CAMTA1: variants seen among roughly 807,000 people sequenced by gnomAD.
CAMTA1 encodes calmodulin-binding transcription activator 1.
Under a neutral mutation model 170.9 loss-of-function variants are expected in CAMTA1, and 27 were observed. The ratio of observed to expected loss-of-function variants is 0.16; its 90% CI spans 0.12 to 0.22. The LOEUF is 0.22. Among genes scored for constraint, CAMTA1 ranks in the 10% least tolerant of loss-of-function variants. CAMTA1 has a pLI of 1.00. For synonymous variants in CAMTA1, 833 were observed against 891.5 expected (o/e 0.93, Z 1.17); for missense variants, 1,619 against 2,217.2 (o/e 0.73, Z 5.42).
chr1:7,126,759 A>C (rs1302278340), intron 4 of CAMTA1, among the ~76,000 whole-genome samples: 1 of 152,104 alleles, frequency 6.6e-6, no homozygotes, highest in Non-Finnish European at 1.5e-5. Context: ...GTCGCTGCTC[A>C]GGACTGCCAT....
intron 3 of CAMTA1, among the ~76,000 whole-genome samples, chr1:7,043,187 A>T (rs1704753985): frequency 6.6e-6 from 1 of 152,122 alleles, no homozygotes. Context: ...CTTTCATAGG[A>T]TGGTGGGTGC....
intron 4 of CAMTA1, among the ~76,000 whole-genome samples, chr1:7,158,412 T>A (rs1248870952): frequency 6.6e-6 from 1 of 152,228 alleles, no homozygotes; most frequent in South Asian, 2.1e-4. Context: ...GTACAATGCC[T>A]GTATCTTGAC....
At chr1:6,949,729 T>C (rs933591091) in intron 3 of CAMTA1, among the ~76,000 whole-genome samples, 25 of 152,240 alleles carry the variant, frequency 1.6e-4, no homozygotes, top group Non-Finnish European at 3.1e-4. Flanking sequence ...ACTGTAGAGC[T>C]AACCTAGTCC....
rs371854632 is a variant in CAMTA1 at position 7,489,893 on chromosome 1, T to A, written c.510+21992T>A. Among the ~76,000 whole-genome samples, 46 of 152,268 alleles carry A rather than the reference T, an allele frequency of 3.0e-4. 1 individual carries two copies. In the East Asian group the frequency reaches 8.9e-3, roughly 29 times the overall value. Reference sequence around the variant, plus strand: ...TCTGGCCCCGAGCAGACGGGGTGACTGGCTACTGGCATCATCAGCTTGCTT... The same window carrying A: ...TCTGGCCCCGAGCAGACGGGGTGACAGGCTACTGGCATCATCAGCTTGCTT... On this transcript the variant is annotated intron_variant, in intron 6 of 22. Coordinates refer to ENST00000303635, the MANE Select transcript of CAMTA1 (RefSeq NM_015215.4).
chr1:7,555,904 G>T (rs1357895746), intron 6 of CAMTA1, among the ~76,000 whole-genome samples: 1 of 152,128 alleles, frequency 6.6e-6, no homozygotes, highest in South Asian at 2.1e-4. Flanking sequence ...TTTTCCAAAT[G>T]CGGGTTGTAT....
intron 3 of CAMTA1, among the ~76,000 whole-genome samples, chr1:6,896,128 G>T (rs1280693393): frequency 6.6e-6 from 1 of 151,946 alleles, no homozygotes; most frequent in Admixed American, 6.6e-5. Flanking sequence ...CATTTTTTTT[G>T]AACCGTTTGG....
chr1:6,839,137 C>T (rs1228574002), intron 3 of CAMTA1, among the ~76,000 whole-genome samples: 1 of 151,978 alleles, frequency 6.6e-6, no homozygotes, highest in Non-Finnish European at 1.5e-5. Flanking sequence ...AATCTCAGCA[C>T]TTTGGGAGGC....
chr1:7,300,742 C>T lies in CAMTA1; in HGVS notation c.438+51116C>T, dbSNP rs1206379029. The stretch of plus-strand genomic sequence containing the variant: ...ACCCTGAAAGATGGTGAATGATTGG[C>T]AGGCAATGAGAGGAAGTGTCGTGTT... On this transcript the variant is annotated intron_variant, in intron 5 of 22. Coordinates refer to ENST00000303635, the MANE Select transcript of CAMTA1 (RefSeq NM_015215.4). The surrounding 1 kb of genome is among the most constrained non-coding windows in gnomAD (Gnocchi z 4.1). Among the ~76,000 whole-genome samples the T allele has an allele frequency of 2.0e-5, 3 of 152,114 alleles. No individual in the cohort carries two copies. The highest frequency in any genetic ancestry group is 4.4e-5 in the Non-Finnish European group (3 of 68,024).
intron 4 of CAMTA1, among the ~76,000 whole-genome samples, chr1:7,164,247 A>T (rs900823377): frequency 6.6e-6 from 1 of 152,206 alleles, no homozygotes; most frequent in African/African-American, 2.4e-5. Context: ...AGCCTCCAGG[A>T]TCCCACAGGC....
intron 5 of CAMTA1, among the ~76,000 whole-genome samples, chr1:7,384,512 T>G (rs1271913471): frequency 6.6e-6 from 1 of 152,232 alleles, no homozygotes; most frequent in Non-Finnish European, 1.5e-5. Context: ...CCGTGGCTAA[T>G]TTTTTGGCGA....
At chr1:7,558,131 C>G (rs1337197268) in intron 6 of CAMTA1, among the ~76,000 whole-genome samples, 2 of 152,190 alleles carry the variant, frequency 1.3e-5, no homozygotes, top group East Asian at 1.9e-4. Context: ...CCAGGCCCCT[C>G]GCTCCGGCAG....
intron 5 of CAMTA1, among the ~76,000 whole-genome samples, chr1:7,338,811 G>A (rs1369400622): frequency 6.6e-6 from 1 of 152,246 alleles, no homozygotes. Flanking sequence ...GGACTAGTCC[G>A]TTCTCACACT....
At chr1:7,006,640 T>C (rs1223822383) in intron 3 of CAMTA1, among the ~76,000 whole-genome samples, 1 of 152,198 alleles carries the variant, frequency 6.6e-6, no homozygotes, top group Non-Finnish European at 1.5e-5. Context: ...TCCAAAGCAC[T>C]GAGCCCCATG....
intron 4 of CAMTA1, among the ~76,000 whole-genome samples, chr1:7,180,556 C>A (rs563139478): frequency 8.3e-6 from 1 of 121,186 alleles, no homozygotes; most frequent in Non-Finnish European, 1.6e-5. Flanking sequence ...CCCCCTCTAT[C>A]ATCCTGAAGT....
intron 5 of CAMTA1, among the ~76,000 whole-genome samples, chr1:7,387,525 C>T (rs940604390): frequency 6.6e-6 from 1 of 152,190 alleles, no homozygotes; most frequent in Non-Finnish European, 1.5e-5. Context: ...CTGCCCTAGA[C>T]CCCAGCCACT....
chr1:7,737,970 C>A lies in CAMTA1; in HGVS notation c.3670C>A (p.Pro1224Thr). 6.2e-7 allele frequency: 1 copy of A among 1,606,126 alleles called. No individual in the cohort carries two copies. The highest frequency in any genetic ancestry group is 1.1e-5 in the South Asian group (1 of 90,502). ...ACTGTACTTTTCAGAGCTGAGAAGA[C>A]CTCGTTCTGAACCCTCTAATTACTA... is the stretch of plus-strand genomic sequence containing the variant. ...IASTNPELRR[P>T]RSEPSNYYSS... The change falls in exon 16 of 23, where the codon CCT becomes ACT. Residue 1224 changes from proline (P) to threonine (T), a missense_variant. By Grantham distance (38) the Pro-to-Thr change is conservative. Around this residue, in one of 8 missense-constraint regions of CAMTA1, gnomAD observed 370 missense variants for 429.4 expected, o/e 0.86. Coordinates refer to ENST00000303635, the MANE Select transcript of CAMTA1 (RefSeq NM_015215.4).
chr1:7,024,028 C>CAAAAAAAAAAAA (rs35095557), intron 3 of CAMTA1, among the ~76,000 whole-genome samples: 1 of 96,136 alleles, frequency 1.0e-5, no homozygotes, highest in Non-Finnish European at 2.1e-5. Context: ...GACTCTGTCT[C>CAAAAAAAAAAAA]AAAAAAAAAA....
chr1:7,704,953 G>A lies in CAMTA1; in HGVS notation c.2914+27220G>A, dbSNP rs1257599885. On this transcript the variant is annotated intron_variant, in intron 11 of 22. Transcript: ENST00000303635. ...GCGCGTGCGGTCGAGGGCGGCGGCC[G>A]GCGGGGGCGCGCGCGGGGCGGGGGC... Among the ~76,000 whole-genome samples, 1,251 of 141,392 alleles carry A rather than the reference G, an allele frequency of 8.8e-3. 13 individuals carry two copies. The highest frequency in any genetic ancestry group is 0.029 in the African/African-American group (1,131 of 39,250). The allele number at this position is 141,392 out of a possible 152,430, so 92.8% of individuals were successfully genotyped here.
At chr1:7,322,892 T>C (rs1448545716) in intron 5 of CAMTA1, among the ~76,000 whole-genome samples, 7 of 152,142 alleles carry the variant, frequency 4.6e-5, no homozygotes, top group Non-Finnish European at 1.0e-4. Flanking sequence ...TTCCATGTCA[T>C]AAATTTCAGC....
Sources: gnomAD v4.1 joint callset for allele counts (sites outside exome capture counted in the v4.1 genomes callset) on GRCh38, gnomAD v4.1.1 for gene constraint, gnomAD v4.1.1 regional missense constraint, Gnocchi (gnomAD v3.1) non-coding constraint, MANE v1.5 for transcripts, NCBI Gene and HGNC (gene_info 2026-07-23, HGNC 2026-07-21) for gene names.